Variants in EPHB1 observed in about 807,000 individuals in gnomAD.
EPHB1 encodes the protein EPH receptor B1, also known as ephrin type-B receptor 1.
Under a neutral mutation model 94.4 loss-of-function variants are expected in EPHB1, and 30 were observed. The ratio of observed to expected loss-of-function variants is 0.32; its 90% confidence interval spans 0.24 to 0.43. The LOEUF (loss-of-function observed/expected upper bound fraction) is 0.43, where lower values mean the gene tolerates loss of function less well. Among genes scored for constraint, EPHB1 ranks in the 20% least tolerant of loss-of-function variants. The probability of loss-of-function intolerance (pLI) is 1.00; values close to 1 mark genes in which losing one functional copy is unlikely to be tolerated. For missense variants in EPHB1, 1,055 were observed against 1,308.3 expected, an observed-to-expected ratio of 0.81 and a Z score of 2.99; for synonymous variants, 522 against 489.1, an observed-to-expected ratio of 1.07 and a Z score of -0.89.
chr3:134,963,483 C>A (rs1933609442), intron 3 of EPHB1, among the ~76,000 whole-genome samples: 1 of 152,068 alleles, frequency 6.6e-6, no homozygotes, highest in African/African-American at 2.4e-5. Flanking sequence ...GGATTGGCTT[C>A]CATCTTGTGT....
chr3:134,961,215 T>C (rs1035059824), intron 3 of EPHB1, among the ~76,000 whole-genome samples: 2 of 152,210 alleles, frequency 1.3e-5, no homozygotes, highest in Non-Finnish European at 2.9e-5. Flanking sequence ...GTGTTCACAA[T>C]GTCCAGAGGA....
chr3:134,934,433 C>T (rs1184935028), intron 2 of EPHB1, among the ~76,000 whole-genome samples: 1 of 152,054 alleles, frequency 6.6e-6, no homozygotes, highest in Non-Finnish European at 1.5e-5. Flanking sequence ...CAGGGCCGTG[C>T]GTGGGTGGAC....
intron 12 of EPHB1, among the ~76,000 whole-genome samples, chr3:135,232,876 A>G (rs958479281): frequency 6.6e-6 from 1 of 151,940 alleles, no homozygotes; most frequent in Admixed American, 6.6e-5. Flanking sequence ...AGGGGGGAAA[A>G]CTCCTTATAA....
intron 3 of EPHB1, among the ~76,000 whole-genome samples, chr3:135,006,467 G>A (rs1029108180): frequency 1.2e-4 from 19 of 152,200 alleles, no homozygotes; most frequent in Non-Finnish European, 2.1e-4. Flanking sequence ...TGGTTAAAAT[G>A]ATAAATATTT....
chr3:135,221,266 A>G (rs1286211574), intron 12 of EPHB1, among the ~76,000 whole-genome samples: 1 of 152,204 alleles, frequency 6.6e-6, no homozygotes, highest in Non-Finnish European at 1.5e-5. Context: ...TGCATAGGCT[A>G]TGGTTCTATT....
At chr3:135,059,867 C>T (rs915873191) in intron 3 of EPHB1, among the ~76,000 whole-genome samples, 4 of 152,224 alleles carry the variant, frequency 2.6e-5, no homozygotes, top group East Asian at 1.9e-4. Context: ...TGGGCCTCAG[C>T]GTGCCGATGT....
intron 3 of EPHB1, among the ~76,000 whole-genome samples, chr3:135,040,851 G>A (rs1232568215): frequency 6.6e-6 from 1 of 152,196 alleles, no homozygotes; most frequent in Non-Finnish European, 1.5e-5. Context: ...AGGAGATAGA[G>A]GAAGTGGATG....
chr3:134,802,540 G>T (rs935516), intron 1 of EPHB1, among the ~76,000 whole-genome samples: 1 of 151,970 alleles, frequency 6.6e-6, no homozygotes, highest in Non-Finnish European at 1.5e-5. Context: ...TATCAAGAAG[G>T]CTAAGTGCCC....
At chr3:135,151,803 C>A (rs1193767542) in intron 5 of EPHB1, among the ~76,000 whole-genome samples, 1 of 152,118 alleles carries the variant, frequency 6.6e-6, no homozygotes, top group Non-Finnish European at 1.5e-5. Flanking sequence ...AAATTTAACA[C>A]CGTAAAGGTT....
chr3:135,242,001 T>G (rs1943796217), intron 13 of EPHB1, among the ~76,000 whole-genome samples: 1 of 152,166 alleles, frequency 6.6e-6, no homozygotes, highest in African/African-American at 2.4e-5. Flanking sequence ...TCATCTAACA[T>G]GCTTTAAATA....
At chr3:134,966,846 G>T (rs959884638) in intron 3 of EPHB1, among the ~76,000 whole-genome samples, 1 of 152,252 alleles carries the variant, frequency 6.6e-6, no homozygotes, top group Non-Finnish European at 1.5e-5. Context: ...CTTGCCCAGT[G>T]CATGGCCAGG....
At chr3:135,086,300 T>C (rs980021469) in intron 3 of EPHB1, among the ~76,000 whole-genome samples, 1 of 150,944 alleles carries the variant, frequency 6.6e-6, no homozygotes, top group African/African-American at 2.4e-5. Flanking sequence ...GAGTGAGGAA[T>C]TGGTAGGCAC....
chr3:135,248,797 G>C (rs532873687), intron 14 of EPHB1, among the ~76,000 whole-genome samples: 16 of 152,158 alleles, frequency 1.1e-4, no homozygotes, highest in African/African-American at 3.6e-4. Context: ...GATTGGACAT[G>C]GATATTGAGG....
intron 1 of EPHB1, among the ~76,000 whole-genome samples, chr3:134,905,810 C>T (rs993239568): frequency 3.3e-5 from 5 of 152,178 alleles, no homozygotes; most frequent in Admixed American, 6.5e-5. Context: ...AGAGCCTTGC[C>T]GTTTCCCCAT....
chr3:134,983,072 G>A (rs1234127519), intron 3 of EPHB1, among the ~76,000 whole-genome samples: 1 of 152,162 alleles, frequency 6.6e-6, no homozygotes, highest in Non-Finnish European at 1.5e-5. Context: ...TCGATATAAG[G>A]CTTGGAGTAA....
chr3:135,235,121 CT>C (rs1943619287), intron 12 of EPHB1, among the ~76,000 whole-genome samples: 1 of 152,176 alleles, frequency 6.6e-6, no homozygotes, highest in Admixed American at 6.5e-5. Flanking sequence ...AATTTAGAAT[CT>C]CTGGGAGTGG....
chr3:134,912,081 G>A (rs1472563255), intron 1 of EPHB1, among the ~76,000 whole-genome samples: 1 of 152,214 alleles, frequency 6.6e-6, no homozygotes, highest in Non-Finnish European at 1.5e-5. Flanking sequence ...TCCATCGCCG[G>A]CCTTCATTAG....
At chr3:135,107,184 C>G (rs1423494348) in intron 4 of EPHB1, among the ~76,000 whole-genome samples, 1 of 152,194 alleles carries the variant, frequency 6.6e-6, no homozygotes, top group African/African-American at 2.4e-5. Context: ...AGTGGCCTGA[C>G]CACAGAATGC....
intron 12 of EPHB1, among the ~76,000 whole-genome samples, chr3:135,210,404 A>T (rs1214344046): frequency 6.6e-6 from 1 of 152,194 alleles, no homozygotes; most frequent in African/African-American, 2.4e-5. Flanking sequence ...ATGAAGATGC[A>T]CATTTAGGAG....
Sources: gnomAD v4.1 joint callset for allele counts (sites outside exome capture counted in the v4.1 genomes callset) on GRCh38, gnomAD v4.1.1 for gene constraint, MANE v1.5 for transcripts, NCBI Gene and HGNC (gene_info 2026-07-23, HGNC 2026-07-21) for gene names.